PIK3CB: variants seen among roughly 807,000 people sequenced by gnomAD.
The protein encoded by PIK3CB is phosphatidylinositol-4,5-bisphosphate 3-kinase catalytic subunit beta, also known as phosphatidylinositol 4,5-bisphosphate 3-kinase catalytic subunit beta isoform.
PIK3CB carries 39 observed loss-of-function variants against 136.8 expected under a neutral mutation model. The ratio of observed to expected loss-of-function variants is 0.29; its 90% CI spans 0.22 to 0.37. The LOEUF is 0.37. Ranked by LOEUF, PIK3CB falls within the 10% of genes least tolerant of loss-of-function variation. The pLI is 1.00. For synonymous variants in PIK3CB, 428 were observed against 436.6 expected, an observed-to-expected ratio of 0.98 and a Z score of 0.25; for missense variants, 868 against 1,275.4, an observed-to-expected ratio of 0.68 and a Z score of 4.87.
At position 138,653,956 on chromosome 3, in the gene PIK3CB, T is replaced by A; in HGVS notation, c.*1433A>T. The A allele has an allele frequency of 5.0e-6, 1 of 198,536 alleles. No homozygotes were observed. The highest frequency in any genetic ancestry group is 1.0e-5 in the Non-Finnish European group (1 of 95,938). The allele number at this position is 198,536 out of a possible 1,614,324, so 12.3% of individuals were successfully genotyped here. Reference sequence around the variant, plus strand: ...GTTGGTTTGTCTACTGACTTGGCCATTTCTTGGAGTTCCAGTGCCAAGTTC... The same window carrying A: ...GTTGGTTTGTCTACTGACTTGGCCAATTCTTGGAGTTCCAGTGCCAAGTTC... On this transcript the variant is annotated 3_prime_UTR_variant, in exon 24 of 24. Coordinates refer to ENST00000674063, the MANE Select transcript of PIK3CB (RefSeq NM_006219.3).
chr3:138,715,679 A>G (rs2044592067), intron 8 of PIK3CB, among the ~76,000 whole-genome samples: 1 of 152,062 alleles, frequency 6.6e-6, no homozygotes, highest in Admixed American at 6.5e-5. Flanking sequence ...ATTAAAATAT[A>G]TTCAAACAGT....
chr3:138,732,527 T>C (rs2045005194), intron 8 of PIK3CB, among the ~76,000 whole-genome samples: 2 of 152,178 alleles, frequency 1.3e-5, no homozygotes, highest in Non-Finnish European at 2.9e-5. Flanking sequence ...CTTAATTTCC[T>C]ACCCAGCAAA....
At chr3:138,816,698 T>G (rs758344921) in intron 1 of PIK3CB, among the ~76,000 whole-genome samples, 10 of 152,244 alleles carry the variant, frequency 6.6e-5, no homozygotes, top group Non-Finnish European at 5.9e-5. Flanking sequence ...TAATTGCTAG[T>G]AACAATGAGC....
intron 1 of PIK3CB, among the ~76,000 whole-genome samples, chr3:138,827,536 GATGGT>G (rs1175206005): frequency 6.6e-6 from 1 of 151,866 alleles, no homozygotes; most frequent in African/African-American, 2.4e-5. Flanking sequence ...AGGCAGGCAT[GATGGT>G]ATATGCCTAT....
chr3:138,750,886 A>G (rs1044952009), intron 4 of PIK3CB, among the ~76,000 whole-genome samples: 3 of 152,184 alleles, frequency 2.0e-5, no homozygotes, highest in Non-Finnish European at 4.4e-5. Flanking sequence ...CTCACTTCCC[A>G]CTGGATTGTG....
intron 12 of PIK3CB, among the ~76,000 whole-genome samples, chr3:138,701,098 C>G (rs971759336): frequency 2.0e-5 from 3 of 151,668 alleles, no homozygotes; most frequent in Admixed American, 2.0e-4. Context: ...GATATTCACA[C>G]TAAAAATGCA....
intron 1 of PIK3CB, among the ~76,000 whole-genome samples, chr3:138,809,606 C>CAA (rs57717750): frequency 0.023 from 2,598 of 112,576 alleles, 62 homozygotes; most frequent in South Asian, 0.044. Context: ...GACTTTGCCT[C>CAA]AAAAAAAAAA....
chr3:138,728,894 A>G (rs941211744), intron 8 of PIK3CB, among the ~76,000 whole-genome samples: 16 of 152,312 alleles, frequency 1.1e-4, no homozygotes, highest in Admixed American at 2.0e-4. Context: ...CTAGGAAGAG[A>G]ATTTCTTGAA....
intron 2 of PIK3CB, among the ~76,000 whole-genome samples, chr3:138,762,629 G>A (rs1240212839): frequency 2.0e-5 from 3 of 152,142 alleles, no homozygotes; most frequent in African/African-American, 7.2e-5. Flanking sequence ...ATAAGTATTT[G>A]CTGAATGAAA....
At position 138,665,124 on chromosome 3, in the gene PIK3CB, C is replaced by T. The variant is rs769142577; in HGVS notation, c.2584G>A (p.Asp862Asn). 6.2e-7 allele frequency: 1 copy of T among 1,613,450 alleles called. No individual in the cohort carries two copies. The highest frequency in any genetic ancestry group is 8.5e-7 in the Non-Finnish European group (1 of 1,179,602). Residue 862 changes from aspartate to asparagine, a missense_variant, in exon 20 of 24, where the codon GAC (aspartate) becomes AAC (asparagine). Coordinates refer to ENST00000674063, the MANE Select transcript of PIK3CB (RefSeq NM_006219.3). ...ACATTGCTACTGTTCAGCTGAATGT[C>T]AGCAATTGTTTCAGAGGTGCTCACA... is the stretch of plus-strand genomic sequence containing the variant. ...EVVSTSETIA[D>N]IQLNSSNVAA...
intron 5 of PIK3CB, among the ~76,000 whole-genome samples, chr3:138,738,962 G>A (rs2045177042): frequency 6.6e-6 from 1 of 152,022 alleles, no homozygotes; most frequent in African/African-American, 2.4e-5. Flanking sequence ...ATTTTTTCCA[G>A]TATTTTACTT....
intron 8 of PIK3CB, among the ~76,000 whole-genome samples, chr3:138,728,021 A>T (rs2044878752): frequency 6.6e-6 from 1 of 151,910 alleles, no homozygotes; most frequent in African/African-American, 2.4e-5. Flanking sequence ...CCTGTTGGTT[A>T]GGCTGGTCTC....
intron 2 of PIK3CB, chr3:138,770,636 G>A (rs980131106): frequency 3.3e-5 from 5 of 151,648 alleles, no homozygotes; most frequent in African/African-American, 1.2e-4. Flanking sequence ...TGTGAACCCA[G>A]AAGGTGGAGC....
Position 138,705,721 on chromosome 3 carries a change from G to C in PIK3CB, c.1531-1228C>G, listed in dbSNP as rs534241176. 4.6e-5 allele frequency among the ~76,000 whole-genome samples: 7 copies of C among 152,248 alleles called. No individual in the cohort carries two copies. The South Asian group carries it at 1.2e-3, about 27-fold the overall frequency. On this transcript the variant is annotated intron_variant, in intron 11 of 23. Coordinates refer to ENST00000674063, the MANE Select transcript of PIK3CB (RefSeq NM_006219.3). ...GGTAGTTTGTACTCAAGCGGATTGA[G>C]GAAATTAAATAAACTTTCAGCTTAT...
intron 13 of PIK3CB, 89 bp from the exon 14 acceptor site, chr3:138,694,996 A>T: frequency 1.6e-6 from 2 of 1,249,278 alleles, no homozygotes; most frequent in Non-Finnish European, 2.2e-6. Context: ...AGATAGGTCA[A>T]AAGAAGGCAA....
At chr3:138,710,023 C>CAAA (rs34985570) in intron 10 of PIK3CB, among the ~76,000 whole-genome samples, 2 of 91,950 alleles carry the variant, frequency 2.2e-5, no homozygotes, top group Non-Finnish European at 2.2e-5. Context: ...ACAAAAAATA[C>CAAA]AAAAAAAAAA....
At chr3:138,744,005 T>C (rs2045295384) in intron 4 of PIK3CB, among the ~76,000 whole-genome samples, 1 of 151,982 alleles carries the variant, frequency 6.6e-6, no homozygotes, top group African/African-American at 2.4e-5. Flanking sequence ...CTAAAGAAAA[T>C]GTTAATTATT....
At position 138,741,828 on chromosome 3, in the gene PIK3CB, A is replaced by T. The variant is rs959592082; in HGVS notation, c.621+730T>A. 2.8e-5 allele frequency among the ~76,000 whole-genome samples: 4 copies of T among 144,864 alleles called. No individual in the cohort carries two copies. In the East Asian group the frequency reaches 7.9e-4, roughly 29 times the overall value. ...GGGCAACAGAGCAAGACTCCGTCTA[A>T]AAAAAAAAAAAAAAATCCTTGAGTT... On this transcript the variant is annotated intron_variant, in intron 5 of 23. Coordinates refer to ENST00000674063, the MANE Select transcript of PIK3CB (RefSeq NM_006219.3).
chr3:138,808,582 G>A (rs1394724926), intron 1 of PIK3CB, among the ~76,000 whole-genome samples: 1 of 152,038 alleles, frequency 6.6e-6, no homozygotes, highest in Middle Eastern at 3.2e-3. Flanking sequence ...TCAAGAGGCT[G>A]AGGTGGGGTG....
Sources: gnomAD v4.1 joint callset for allele counts (sites outside exome capture counted in the v4.1 genomes callset) on GRCh38, gnomAD v4.1.1 for gene constraint, MANE v1.5 for transcripts, NCBI Gene and HGNC (gene_info 2026-07-23, HGNC 2026-07-21) for gene names.